Variants in TNNI3K observed in about 807,000 individuals in gnomAD.
TNNI3K encodes the protein serine/threonine-protein kinase TNNI3K.
In TNNI3K, 140 loss-of-function variants were observed where a neutral mutation model predicts 114.5. The ratio of observed to expected loss-of-function variants is 1.22; its 90% CI spans 1.07 to 1.41. TNNI3K has a LOEUF of 1.41. Among genes scored for constraint, TNNI3K ranks in the 40% most tolerant of loss-of-function variants. TNNI3K has a pLI of 0.00. For missense variants in TNNI3K, 1,125 were observed against 1,007.6 expected, an observed-to-expected ratio of 1.12 and a Z score of -1.58; for synonymous variants, 347 against 347.5, an observed-to-expected ratio of 1.00 and a Z score of 0.02.
chr1:74,301,273 G>A lies in TNNI3K; in HGVS notation c.444+29565G>A, dbSNP rs183160309. On this transcript the variant is annotated intron_variant, in intron 5 of 24. Coordinates refer to ENST00000326637, the MANE Select transcript of TNNI3K (RefSeq NM_015978.3). Reference sequence around the variant, plus strand: ...AACTTAGCCAGGCGTGGTGGTGCACGCCAATAGTCCCAGCTACTAGGGAGG... The same window carrying A: ...AACTTAGCCAGGCGTGGTGGTGCACACCAATAGTCCCAGCTACTAGGGAGG... 2.6e-5 allele frequency among the ~76,000 whole-genome samples: 4 copies of A among 152,030 alleles called. No homozygotes were observed. The South Asian group carries it at 6.2e-4, about 24-fold the overall frequency.
At chr1:74,480,872 A>T (rs1668462520) in intron 21 of TNNI3K, 1 of 717,284 alleles carries the variant, frequency 1.4e-6, no homozygotes, top group Admixed American at 2.0e-5. Flanking sequence ...GCTTAGGGAG[A>T]GCAGGGCAAG....
intron 20 of TNNI3K, among the ~76,000 whole-genome samples, chr1:74,456,080 G>C (rs539535146): frequency 6.6e-6 from 1 of 152,254 alleles, no homozygotes; most frequent in East Asian, 1.9e-4. Flanking sequence ...AGCAAAGGCT[G>C]GACTGGAGAA....
intron 17 of TNNI3K, among the ~76,000 whole-genome samples, chr1:74,404,277 TC>T (rs968686540): frequency 1.3e-5 from 2 of 152,106 alleles, no homozygotes; most frequent in Non-Finnish European, 2.9e-5. Flanking sequence ...AAATATTGGC[TC>T]AATATTGCTG....
intron 17 of TNNI3K, among the ~76,000 whole-genome samples, chr1:74,385,068 A>G (rs2100555929): frequency 6.6e-6 from 1 of 152,244 alleles, no homozygotes; most frequent in Non-Finnish European, 1.5e-5. Flanking sequence ...TATCTCAATT[A>G]TGGGTTCAAA....
chr1:74,409,644 C>T (rs1030302917), intron 17 of TNNI3K, among the ~76,000 whole-genome samples: 17 of 151,586 alleles, frequency 1.1e-4, no homozygotes, highest in Non-Finnish European at 1.9e-4. Flanking sequence ...CAGGTGTCTG[C>T]GACACACCTG....
At chr1:74,318,582 T>C (rs892242019) in intron 5 of TNNI3K, among the ~76,000 whole-genome samples, 2 of 152,234 alleles carry the variant, frequency 1.3e-5, no homozygotes, top group Non-Finnish European at 2.9e-5. Context: ...CCCTGTTTGC[T>C]TAGAAAACTT....
chr1:74,251,420 TG>T (rs1654922618), intron 4 of TNNI3K, among the ~76,000 whole-genome samples: 1 of 152,134 alleles, frequency 6.6e-6, no homozygotes, highest in African/African-American at 2.4e-5. Context: ...ATTTCTACTT[TG>T]TATTTATTAT....
At chr1:74,472,604 A>G (rs1430833558) in intron 21 of TNNI3K, among the ~76,000 whole-genome samples, 1 of 152,100 alleles carries the variant, frequency 6.6e-6, no homozygotes, top group Non-Finnish European at 1.5e-5. Flanking sequence ...TGGGTGCAAT[A>G]TTGAGTAATG....
intron 4 of TNNI3K, among the ~76,000 whole-genome samples, chr1:74,267,148 A>C (rs1656044098): frequency 6.6e-6 from 1 of 152,122 alleles, no homozygotes; most frequent in East Asian, 1.9e-4. Context: ...TTCTTTTAAA[A>C]ACATTGCCAT....
At position 74,398,779 on chromosome 1, in the gene TNNI3K, A is replaced by AT. The variant is rs556320267; in HGVS notation, c.1772+28389dup. 1.2e-4 allele frequency among the ~76,000 whole-genome samples: 19 copies of AT among 152,316 alleles called. No homozygotes were observed. In the East Asian group the frequency reaches 3.7e-3, roughly 29 times the overall value. ...ATGGAAGGTATACATATTAGATGGGATTACCACACCCCTTGTTATCTCCCC... is the reference window on the plus strand; with the variant it reads ...ATGGAAGGTATACATATTAGATGGGATTTACCACACCCCTTGTTATCTCCCC... On this transcript the variant is annotated intron_variant, in intron 17 of 24. Coordinates refer to ENST00000326637, the MANE Select transcript of TNNI3K (RefSeq NM_015978.3).
At chr1:74,260,620 T>A (rs1306185266) in intron 4 of TNNI3K, among the ~76,000 whole-genome samples, 2 of 152,140 alleles carry the variant, frequency 1.3e-5, no homozygotes, top group South Asian at 4.1e-4. Flanking sequence ...TAATAAAAAT[T>A]AACCATTATT....
chr1:74,423,276 C>A (rs957660035), intron 17 of TNNI3K, among the ~76,000 whole-genome samples: 1 of 151,868 alleles, frequency 6.6e-6, no homozygotes, highest in African/African-American at 2.4e-5. Flanking sequence ...TTTTTGTGCC[C>A]TTTGTTGCAC....
chr1:74,343,544 A>C (rs1240540168), intron 9 of TNNI3K, among the ~76,000 whole-genome samples: 1 of 152,224 alleles, frequency 6.6e-6, no homozygotes, highest in Non-Finnish European at 1.5e-5. Context: ...TCCTCCAACA[A>C]GAATCTCATT....
chr1:74,402,485 A>C (rs1385397139), intron 17 of TNNI3K, among the ~76,000 whole-genome samples: 1 of 152,228 alleles, frequency 6.6e-6, no homozygotes, highest in Non-Finnish European at 1.5e-5. Context: ...GGCAAGTTGA[A>C]TCAAAACTCG....
chr1:74,342,560 A>G (rs116963517), intron 7 of TNNI3K, among the ~76,000 whole-genome samples: 3 of 152,264 alleles, frequency 2.0e-5, no homozygotes, highest in East Asian at 3.9e-4. Flanking sequence ...TTTGGATGCT[A>G]TTAGTTTCCC....
chr1:74,311,070 CT>C (rs1209314748), intron 5 of TNNI3K, among the ~76,000 whole-genome samples: 2 of 152,118 alleles, frequency 1.3e-5, no homozygotes, highest in Admixed American at 1.3e-4. Flanking sequence ...TGTAAATCAG[CT>C]TGTTGTTGAA....
rs368378982 is a variant in TNNI3K at position 74,419,507 on chromosome 1, G to T, written c.1773-16573G>T. Among the ~76,000 whole-genome samples the T allele has an allele frequency of 2.6e-5, 4 of 151,908 alleles. No individual in the cohort carries two copies. In the South Asian group the frequency reaches 8.3e-4, roughly 32 times the overall value. On this transcript the variant is annotated intron_variant, in intron 17 of 24. Coordinates refer to ENST00000326637, the MANE Select transcript of TNNI3K (RefSeq NM_015978.3). Reference sequence around the variant, plus strand: ...TTCTTTGAAAGATCAGCCAATCACCGATTTGTGCTATTGTGTATTGAGTGC... The same window carrying T: ...TTCTTTGAAAGATCAGCCAATCACCTATTTGTGCTATTGTGTATTGAGTGC...
chr1:74,365,950 CTTT>C (rs770319178), intron 11 of TNNI3K, among the ~76,000 whole-genome samples: 2 of 143,542 alleles, frequency 1.4e-5, no homozygotes, highest in Non-Finnish European at 3.1e-5. Flanking sequence ...AATCACAATG[CTTT>C]TTTTTTTTTT....
intron 5 of TNNI3K, among the ~76,000 whole-genome samples, chr1:74,272,203 C>T (rs1656393264): frequency 6.6e-6 from 1 of 151,786 alleles, no homozygotes; most frequent in Non-Finnish European, 1.5e-5. Flanking sequence ...GCACCGGATA[C>T]TGTTTTAGAT....
Sources: gnomAD v4.1 joint callset for allele counts (sites outside exome capture counted in the v4.1 genomes callset) on GRCh38, gnomAD v4.1.1 for gene constraint, MANE v1.5 for transcripts, NCBI Gene and HGNC (gene_info 2026-07-23, HGNC 2026-07-21) for gene names.